The following LRP2 variants were observed in gnomAD, a reference collection of about 807,000 sequenced individuals.
LRP2 encodes low-density lipoprotein receptor-related protein 2.
LRP2 carries 172 observed loss-of-function variants against 531.0 expected under a neutral mutation model. That is an observed-to-expected ratio of 0.32 (90% CI 0.29 to 0.37). The LOEUF (loss-of-function observed/expected upper bound fraction) is 0.37. LRP2 is among the 10% of genes least tolerant of loss of function. The pLI is 1.00. For synonymous variants in LRP2, 1,992 were observed against 2,027.6 expected (o/e 0.98, Z 0.47); for missense variants, 5,167 against 5,868.3 (o/e 0.88, Z 3.90).
intron 45 of LRP2, 93 bp from the exon 46 acceptor site, chr2:169,197,123 T>C (rs1010645652): frequency 1.4e-6 from 2 of 1,477,518 alleles, no homozygotes; most frequent in Non-Finnish European, 1.9e-6. Context: ...AGCTAGATAA[T>C]AGTTACCAAA....
intron 23 of LRP2, 33 bp downstream of exon 23, chr2:169,243,370 C>A (rs1559036726): frequency 1.2e-6 from 2 of 1,612,646 alleles, no homozygotes. Flanking sequence ...TCTAAATAAA[C>A]ATTGTGAATA....
At chr2:169,142,066 C>T (rs1284677657) in intron 71 of LRP2, among the ~76,000 whole-genome samples, 1 of 152,222 alleles carries the variant, frequency 6.6e-6, no homozygotes, top group Admixed American at 6.5e-5. Flanking sequence ...TGCAGGACGA[C>T]TTTTTCACAG....
At chr2:169,267,374 A>C (rs1683243964) in intron 16 of LRP2, among the ~76,000 whole-genome samples, 1 of 152,130 alleles carries the variant, frequency 6.6e-6, no homozygotes, top group Non-Finnish European at 1.5e-5. Flanking sequence ...TCCTCAGCAA[A>C]TGTAAAAGAA....
chr2:169,177,491 T>C lies in LRP2; in HGVS notation c.10393+312A>G, dbSNP rs142838874. 2.0e-3 allele frequency among the ~76,000 whole-genome samples: 297 copies of C among 151,616 alleles called. 1 individual carries two copies. Among genetic ancestry groups the C allele is most frequent in the African/African-American group, 7.1e-3 (293 of 41,272 alleles). ...CCTTTAAAATACTTCAGTCTTCCCA[T>C]AGAAATAGATGAAGTAAATATGGCA... On this transcript the variant is annotated intron_variant, in intron 53 of 78. Coordinates refer to ENST00000649046, the MANE Select transcript of LRP2 (RefSeq NM_004525.3).
At chr2:169,351,225 G>C (rs1281624349) in intron 1 of LRP2, among the ~76,000 whole-genome samples, 1 of 152,076 alleles carries the variant, frequency 6.6e-6, no homozygotes, top group Admixed American at 6.5e-5. Flanking sequence ...GAGTGACTTT[G>C]ACCAAAAAAA....
chr2:169,205,002 T>C (rs1688326685), intron 41 of LRP2, among the ~76,000 whole-genome samples: 1 of 150,330 alleles, frequency 6.7e-6, no homozygotes, highest in African/African-American at 2.4e-5. Context: ...TTTGAAAAGA[T>C]GACAAAAAGT....
At position 169,182,331 on chromosome 2, in the gene LRP2, AG is replaced by A; in HGVS notation, c.9846-13del. On this transcript the variant is annotated splice_polypyrimidine_tract_variant and intron_variant, in intron 50 of 78. Transcript: ENST00000649046. Reference sequence around the variant, plus strand: ...ACCAGTAGAGCTTTCTAAAATGGAGAGCCAGGAGTTAACCAATACAGTCACT... The same window carrying A: ...ACCAGTAGAGCTTTCTAAAATGGAGACCAGGAGTTAACCAATACAGTCACT... 6.2e-7 allele frequency: 1 copy of A among 1,613,072 alleles called. No individual in the cohort carries two copies. Among genetic ancestry groups the A allele is most frequent in the Middle Eastern group, 1.7e-4 (1 of 6,054 alleles).
At chr2:169,152,617 G>T (rs1053010886) in intron 67 of LRP2, among the ~76,000 whole-genome samples, 182 bp downstream of exon 67, 3 of 151,962 alleles carry the variant, frequency 2.0e-5, no homozygotes, top group Non-Finnish European at 4.4e-5. Context: ...ATGTCTCCAT[G>T]ACATGCTGGG....
chr2:169,234,213 G>A (rs889206851), intron 29 of LRP2, among the ~76,000 whole-genome samples: 1 of 152,038 alleles, frequency 6.6e-6, no homozygotes, highest in African/African-American at 2.4e-5. Flanking sequence ...ATGTGCCATG[G>A]TGGTTTGCTG....
At chr2:169,298,936 G>A (rs1574233005) in intron 4 of LRP2, among the ~76,000 whole-genome samples, 1 of 151,712 alleles carries the variant, frequency 6.6e-6, no homozygotes, top group East Asian at 1.9e-4. Context: ...CTTAGGGAAT[G>A]CAGTAATATA....
chr2:169,182,357 T>C, intron 50 of LRP2, 38 bp from the exon 51 acceptor site: 2 of 1,610,532 alleles, frequency 1.2e-6, no homozygotes, highest in South Asian at 2.2e-5. Context: ...ATACAGTCAC[T>C]TTGTGAAATG....
At chr2:169,269,077 C>T (rs1683320514) in intron 16 of LRP2, among the ~76,000 whole-genome samples, 1 of 152,126 alleles carries the variant, frequency 6.6e-6, no homozygotes, top group Non-Finnish European at 1.5e-5. Flanking sequence ...AGGAGAACTA[C>T]AAACCACTGC....
chr2:169,254,901 G>A (rs921608509), intron 19 of LRP2, among the ~76,000 whole-genome samples: 2 of 151,936 alleles, frequency 1.3e-5, no homozygotes, highest in African/African-American at 4.8e-5. Context: ...GGATGGCAGC[G>A]GCGGGAGGGG....
Position 169,263,688 on chromosome 2 carries a change from C to T in LRP2, c.2321-4471G>A, listed in dbSNP as rs530687510. ...TCAACCATTGTGGAAGTCAGTGTGGCGATTCCTCAGGGATCTAGAACTAGA... is the reference window on the plus strand; with the variant it reads ...TCAACCATTGTGGAAGTCAGTGTGGTGATTCCTCAGGGATCTAGAACTAGA... On this transcript the variant is annotated intron_variant, in intron 16 of 78. Coordinates refer to ENST00000649046, the MANE Select transcript of LRP2 (RefSeq NM_004525.3). 3.4e-3 allele frequency among the ~76,000 whole-genome samples: 522 copies of T among 151,884 alleles called. 4 individuals carry two copies. Among genetic ancestry groups the T allele is most frequent in the African/African-American group, 0.012 (479 of 41,398 alleles).
intron 55 of LRP2, among the ~76,000 whole-genome samples, chr2:169,174,493 T>C (rs894554695): frequency 6.6e-6 from 1 of 152,180 alleles, no homozygotes; most frequent in African/African-American, 2.4e-5. Context: ...TGATGTGTTG[T>C]TTTTAGTTTG....
chr2:169,237,238 A>G lies in LRP2; in HGVS notation c.4556T>C (p.Val1519Ala). Residue 1519 changes from valine (V) to alanine (A), a missense_variant, in exon 28 of 79, where the codon GTA (valine) becomes GCA (alanine). Coordinates refer to ENST00000649046, the MANE Select transcript of LRP2 (RefSeq NM_004525.3). Reference sequence around the variant, plus strand: ...GTCTGTCCAGTAAAGATTACGACCTACCCAATCTATTGCAATAGTTTCAGT... The same window carrying G: ...GTCTGTCCAGTAAAGATTACGACCTGCCCAATCTATTGCAATAGTTTCAGT... The part of the protein sequence containing the change: ...ILTETIAIDW[V>A]GRNLYWTDYA... The G allele has an allele frequency of 6.2e-7, 1 of 1,613,900 alleles. No homozygotes were observed. The highest frequency in any genetic ancestry group is 8.5e-7 in the Non-Finnish European group (1 of 1,179,828).
At chr2:169,226,659 A>C (rs1248767029) in intron 31 of LRP2, 71 bp from the exon 32 acceptor site, 3 of 1,151,840 alleles carry the variant, frequency 2.6e-6, no homozygotes, top group Non-Finnish European at 3.9e-6. Context: ...AATGGAAGGC[A>C]ATAGCCTGTT....
chr2:169,327,502 C>T (rs1235998080), intron 1 of LRP2, among the ~76,000 whole-genome samples: 5 of 125,704 alleles, frequency 4.0e-5, no homozygotes, highest in East Asian at 2.5e-4. Context: ...GTCAGCCCCC[C>T]GCCCGGCCAG....
intron 62 of LRP2, among the ~76,000 whole-genome samples, chr2:169,163,801 G>A (rs1686676999): frequency 6.6e-6 from 1 of 152,108 alleles, no homozygotes; most frequent in African/African-American, 2.4e-5. Flanking sequence ...TGGCCCTAAT[G>A]GTAGCATATT....
Sources: allele counts gnomAD v4.1 joint callset (sites outside exome capture counted in the v4.1 genomes callset), GRCh38; gene constraint gnomAD v4.1.1; transcripts MANE v1.5; gene names NCBI Gene and HGNC (gene_info 2026-07-23, HGNC 2026-07-21).